Variants in DUOXA1 observed in about 807,000 individuals in gnomAD.
DUOXA1 encodes the protein dual oxidase maturation factor 1.
A neutral mutation model predicts 26.6 loss-of-function variants in DUOXA1; 19 were observed. The observed-to-expected ratio is 0.71, with a 90% CI of 0.50 to 1.05. The LOEUF (loss-of-function observed/expected upper bound fraction) is 1.05, where lower values mean the gene tolerates loss of function less well. Among genes scored for constraint, DUOXA1 ranks in the 50% least tolerant of loss-of-function variants. The pLI, the probability that DUOXA1 is intolerant of heterozygous loss-of-function variation, is 0.00. For synonymous variants in DUOXA1, 166 were observed against 177.0 expected (o/e 0.94, Z 0.49); for missense variants, 403 against 427.5 (o/e 0.94, Z 0.51).
Position 45,120,620 on chromosome 15 carries a change from C to T in DUOXA1, c.526G>A (p.Ala176Thr), listed in dbSNP as rs1272236279. 1.2e-6 allele frequency: 2 copies of T among 1,614,122 alleles called. No homozygotes were observed. The highest frequency in any genetic ancestry group is 2.7e-5 in the African/African-American group (2 of 75,014). The change falls in exon 7 of 9, where the codon GCG becomes ACG. Residue 176 changes from alanine (A) to threonine (T), a missense_variant. By Grantham distance (58) the Ala-to-Thr change is moderately conservative (BLOSUM62 0). Transcript: ENST00000560572. ...PCGLYRQYRL[A>T]GHYTSAMLWV... ...AGCATGGCTGAGGTGTAGTGTCCCG[C>T]CAGGCGGTACTGGCGGTATAGGCCA...
Position 45,117,745 on chromosome 15 carries a change from G to A in DUOXA1, c.*1361C>T, listed in dbSNP as rs1172735473. 1.2e-6 allele frequency: 2 copies of A among 1,613,002 alleles called. No individual in the cohort carries two copies. Among genetic ancestry groups the A allele is most frequent in the East Asian group, 2.2e-5 (1 of 44,844 alleles). On this transcript the variant is annotated 3_prime_UTR_variant, in exon 9 of 9. Coordinates refer to ENST00000560572, the MANE Select transcript of DUOXA1 (RefSeq NM_001276266.2). ...CCTGTGCCTCTTCCTCGGAGGGGCC[G>A]TGGTGAGTCTCCAGTATGTTCGGCC...
intron 3 of DUOXA1, among the ~76,000 whole-genome samples, chr15:45,125,800 C>A (rs1297617054): frequency 6.6e-6 from 1 of 152,134 alleles, no homozygotes; most frequent in African/African-American, 2.4e-5. Flanking sequence ...TCTGTGGTGG[C>A]TCTCTTCTTT....
chr15:45,125,456 T>C (rs974489433), intron 3 of DUOXA1, among the ~76,000 whole-genome samples: 2 of 152,212 alleles, frequency 1.3e-5, no homozygotes, highest in African/African-American at 4.8e-5. Context: ...CCTATTTTAC[T>C]CTATTCCTGT....
rs1414238963 is a variant in DUOXA1 at position 45,118,138 on chromosome 15, C to T, written c.*968G>A. 8 of 1,440,306 alleles carry T rather than the reference C, an allele frequency of 5.6e-6. No individual in the cohort carries two copies. In the African/African-American group the frequency reaches 1.0e-4, roughly 18 times the overall value. The allele number at this position is 1,440,306 out of a possible 1,614,324, so 89.2% of individuals were successfully genotyped here. A position where few individuals can be genotyped will look rare whatever the true frequency, so the allele number is the denominator to read the frequency against. Reference sequence around the variant, plus strand: ...TTCCCATTAATTTTCATGGCTTCTCCGCGCCGGGGTCGCACGTCCTCATGA... The same window carrying T: ...TTCCCATTAATTTTCATGGCTTCTCTGCGCCGGGGTCGCACGTCCTCATGA... On this transcript the variant is annotated 3_prime_UTR_variant, in exon 9 of 9. Transcript: ENST00000560572.
Position 45,117,847 on chromosome 15 carries a change from G to A in DUOXA1, c.*1259C>T. 1.2e-6 allele frequency: 2 copies of A among 1,613,690 alleles called. No individual in the cohort carries two copies. The highest frequency in any genetic ancestry group is 1.7e-6 in the Non-Finnish European group (2 of 1,180,024). On this transcript the variant is annotated 3_prime_UTR_variant, in exon 9 of 9. Coordinates refer to ENST00000560572, the MANE Select transcript of DUOXA1 (RefSeq NM_001276266.2). ...GAGAGGGGGCTCACCTCTTATCCTCGGCGACCCACTGCACAAGCAGGCCGC... is the reference window on the plus strand; with the variant it reads ...GAGAGGGGGCTCACCTCTTATCCTCAGCGACCCACTGCACAAGCAGGCCGC...
In DUOXA1 at chr15:45,118,985, T is replaced by C. The variant is rs565975715; in HGVS notation, c.*121A>G. 4.1e-5 allele frequency: 60 copies of C among 1,459,788 alleles called. No homozygotes were observed. In the Middle Eastern group the frequency reaches 7.4e-4, roughly 18 times the overall value. 90.4% of individuals were successfully genotyped at this position (1,459,788 alleles called of 1,614,324 possible). A position where few individuals can be genotyped will look rare whatever the true frequency, so the allele number is the denominator to read the frequency against. ...TAGAGCCTCCTTTTTCTACTCCGTC[T>C]GTAGATTGGTGCTGGGTGTCTGGTA... On this transcript the variant is annotated 3_prime_UTR_variant, in exon 9 of 9. Transcript: ENST00000560572.
rs894688297 is a variant in DUOXA1 at position 45,117,930 on chromosome 15, C to G, written c.*1176G>C. ...TGTGAGGGGGACCCAATCTGGACTC[C>G]TTCCCCGCCTTGGGACATCGCAGGC... On this transcript the variant is annotated 3_prime_UTR_variant, in exon 9 of 9. Coordinates refer to ENST00000560572, the MANE Select transcript of DUOXA1 (RefSeq NM_001276266.2). 6 of 1,613,110 alleles carry G rather than the reference C, an allele frequency of 3.7e-6. No individual in the cohort carries two copies. The highest frequency in any genetic ancestry group is 3.3e-4 in the Middle Eastern group (2 of 6,084).
In DUOXA1 at chr15:45,119,209, A is replaced by AC; in HGVS notation, c.928_929insG (p.Met310SerfsTer3). ...GTCCTGGGACTTGGGACTGTCAGCCATGGACCGGTAGCGGGGGCTCAGGAG... is the reference window on the plus strand; with the variant it reads ...GTCCTGGGACTTGGGACTGTCAGCCACTGGACCGGTAGCGGGGGCTCAGGAG... On this transcript the variant is annotated frameshift_variant, in exon 9 of 9. Coordinates refer to ENST00000560572, the MANE Select transcript of DUOXA1 (RefSeq NM_001276266.2). LOFTEE classifies it low-confidence loss of function (END_TRUNC). The AC allele has an allele frequency of 6.2e-7, 1 of 1,614,078 alleles. No individual in the cohort carries two copies. Among genetic ancestry groups the AC allele is most frequent in the Non-Finnish European group, 8.5e-7 (1 of 1,179,982 alleles).
chr15:45,119,369 G>A lies in DUOXA1; in HGVS notation c.773-4C>T, dbSNP rs946417989. On this transcript the variant is annotated splice_region_variant and splice_polypyrimidine_tract_variant and intron_variant, in intron 8 of 8. Transcript: ENST00000560572. ...CCCAGCAGCACACACAGCAGTCCTG[G>A]AGATGAGGGCAACAATTGTCCCACC... 9 of 1,603,660 alleles carry A rather than the reference G, an allele frequency of 5.6e-6. No individual in the cohort carries two copies. Among genetic ancestry groups the A allele is most frequent in the Non-Finnish European group, 6.0e-6 (7 of 1,172,398 alleles).
At chr15:45,119,917 G>T (rs955204764) in intron 8 of DUOXA1, among the ~76,000 whole-genome samples, 186 bp downstream of exon 8, 1 of 151,524 alleles carries the variant, frequency 6.6e-6, no homozygotes. Context: ...TCTCTGAGGA[G>T]GGGGGGGAAG....
At chr15:45,128,120 T>C (rs1284216237) in intron 3 of DUOXA1, among the ~76,000 whole-genome samples, 1 of 152,170 alleles carries the variant, frequency 6.6e-6, no homozygotes, top group African/African-American at 2.4e-5. Context: ...ATGCTCAATC[T>C]TATTATAGAC....
chr15:45,118,150 G>A lies in DUOXA1; in HGVS notation c.*956C>T. ...TTCATGGCTTCTCCGCGCCGGGGTC[G>A]CACGTCCTCATGAGCTTCGCTGGGC... On this transcript the variant is annotated 3_prime_UTR_variant, in exon 9 of 9. Transcript: ENST00000560572. 24 of 1,437,964 alleles carry A rather than the reference G, an allele frequency of 1.7e-5. No homozygotes were observed. The highest frequency in any genetic ancestry group is 1.7e-4 in the Admixed American group (6 of 36,088). 89.1% of individuals were successfully genotyped at this position (1,437,964 alleles called of 1,614,324 possible).
intron 3 of DUOXA1, among the ~76,000 whole-genome samples, chr15:45,124,656 C>T (rs1281208797): frequency 1.3e-5 from 2 of 152,028 alleles, no homozygotes; most frequent in African/African-American, 2.4e-5. Flanking sequence ...ATTACAAGTG[C>T]GGGTCATCAC....
At position 45,119,049 on chromosome 15, in the gene DUOXA1, C is replaced by T. The variant is rs1458024470; in HGVS notation, c.*57G>A. The T allele has an allele frequency of 8.5e-6, 13 of 1,522,326 alleles. No homozygotes were observed. Among genetic ancestry groups the T allele is most frequent in the South Asian group, 6.5e-5 (5 of 76,980 alleles). 94.3% of individuals were successfully genotyped at this position (1,522,326 alleles called of 1,614,324 possible). ...GGGCAGTTCTGCTGGTTTTATGGGG[C>T]GCCAATGAGGTTTGGAGCCAGACTG... is the stretch of plus-strand genomic sequence containing the variant. On this transcript the variant is annotated 3_prime_UTR_variant, in exon 9 of 9. Transcript: ENST00000560572.
In DUOXA1 at chr15:45,117,509, T is replaced by A. The variant is rs774961349; in HGVS notation, c.*1597A>T. On this transcript the variant is annotated 3_prime_UTR_variant, in exon 9 of 9. Coordinates refer to ENST00000560572, the MANE Select transcript of DUOXA1 (RefSeq NM_001276266.2). ...GGGTTTGGTGTCTTGCCGTGTTTCA[T>A]GTAATTCAGATTAGAGGTGTGTGGC... 9.7e-6 allele frequency: 15 copies of A among 1,553,876 alleles called. No homozygotes were observed. Among genetic ancestry groups the A allele is most frequent in the Admixed American group, 2.0e-5 (1 of 51,146 alleles).
intron 3 of DUOXA1, among the ~76,000 whole-genome samples, 171 bp from the exon 4 acceptor site, chr15:45,123,214 C>A (rs1161348312): frequency 1.3e-5 from 2 of 152,168 alleles, no homozygotes; most frequent in Non-Finnish European, 2.9e-5. Flanking sequence ...CCTCAGCCAT[C>A]CATCTCCCCA....
At chr15:45,119,496 G>C in intron 8 of DUOXA1, 131 bp from the exon 9 acceptor site, 1 of 1,393,058 alleles carries the variant, frequency 7.2e-7, no homozygotes, top group Non-Finnish European at 9.5e-7. Context: ...TGGGCTCAGA[G>C]AGGTGACTGG....
At chr15:45,122,439 T>C (rs537692332) in intron 4 of DUOXA1, among the ~76,000 whole-genome samples, 197 bp from the exon 5 acceptor site, 19 of 152,238 alleles carry the variant, frequency 1.2e-4, no homozygotes, top group Admixed American at 1.2e-3. Context: ...AGGATCTCAC[T>C]CTCTTGCCCA....
chr15:45,119,958 G>A, intron 8 of DUOXA1, 145 bp downstream of exon 8: 3 of 833,076 alleles, frequency 3.6e-6, no homozygotes, highest in Non-Finnish European at 5.7e-6. Flanking sequence ...CAGGAGATAA[G>A]AGATACAAGA....
Sources: gnomAD v4.1 joint callset for allele counts (sites outside exome capture counted in the v4.1 genomes callset) on GRCh38, gnomAD v4.1.1 for gene constraint, MANE v1.5 for transcripts, NCBI Gene and HGNC (gene_info 2026-07-23, HGNC 2026-07-21) for gene names.